FTO: variants seen among roughly 807,000 people sequenced by gnomAD.
FTO encodes alpha-ketoglutarate-dependent dioxygenase FTO.
Under a neutral mutation model 63.9 loss-of-function variants are expected in FTO, and 47 were observed. The observed-to-expected ratio is 0.74, with a 90% CI of 0.58 to 0.94. The LOEUF is 0.94. Among genes scored for constraint, FTO ranks in the 40% least tolerant of loss-of-function variants. The pLI, the probability that FTO is intolerant of heterozygous loss-of-function variation, is 0.00. For missense variants in FTO, 562 were observed against 618.1 expected, an observed-to-expected ratio of 0.91 and a Z score of 0.96; for synonymous variants, 207 against 224.4, an observed-to-expected ratio of 0.92 and a Z score of 0.69.
intron 7 of FTO, among the ~76,000 whole-genome samples, chr16:53,907,130 A>G (rs1395322070): frequency 6.6e-6 from 1 of 152,192 alleles, no homozygotes; most frequent in African/African-American, 2.4e-5. Context: ...AGACTAAAAT[A>G]TAGATGCTCC....
At chr16:54,110,518 A>G (rs770893003) in intron 8 of FTO, among the ~76,000 whole-genome samples, 3 of 152,200 alleles carry the variant, frequency 2.0e-5, no homozygotes, top group Non-Finnish European at 4.4e-5. Flanking sequence ...GCAATTAACC[A>G]CACTCGAAAA....
intron 3 of FTO, among the ~76,000 whole-genome samples, chr16:53,843,332 G>C (rs549252648): frequency 6.6e-6 from 1 of 152,198 alleles, no homozygotes; most frequent in South Asian, 2.1e-4. Flanking sequence ...GAGAGTGTGA[G>C]TGTGCCATTT....
intron 3 of FTO, among the ~76,000 whole-genome samples, chr16:53,834,398 A>G (rs2079232832): frequency 6.6e-6 from 1 of 152,184 alleles, no homozygotes; most frequent in South Asian, 2.1e-4. Context: ...TGTCCATGAC[A>G]TTGATGAGGC....
intron 8 of FTO, among the ~76,000 whole-genome samples, chr16:53,985,667 G>T (rs1456399474): frequency 6.6e-6 from 1 of 152,300 alleles, no homozygotes; most frequent in East Asian, 1.9e-4. Flanking sequence ...GACACCAAAT[G>T]TAGGGCCCGA....
rs72803683 is a variant in FTO at position 53,779,235 on chromosome 16, A to G, written c.46-30905A>G. Among the ~76,000 whole-genome samples, 5,070 of 152,128 alleles carry G rather than the reference A, an allele frequency of 0.033. 485 individuals carry two copies. In the East Asian group the frequency reaches 0.4, roughly 12 times the overall value. ...CTGATCATGTAATAGAAGAATCCCA[A>G]TCTTCCAGTTTCTTTTTTTAACTTC... On this transcript the variant is annotated intron_variant, in intron 1 of 8. Transcript: ENST00000471389.
At chr16:53,731,383 A>G (rs747639304) in intron 1 of FTO, among the ~76,000 whole-genome samples, 1 of 152,190 alleles carries the variant, frequency 6.6e-6, no homozygotes, top group Non-Finnish European at 1.5e-5. Context: ...ACTTTTGGAT[A>G]AAAGTTCCTT....
At chr16:53,942,983 G>C (rs777416269) in intron 8 of FTO, among the ~76,000 whole-genome samples, 1 of 152,204 alleles carries the variant, frequency 6.6e-6, no homozygotes, top group Admixed American at 6.5e-5. Flanking sequence ...AGATTCCAGG[G>C]AGAAGCAGGG....
chr16:53,756,044 C>T (rs2076916696), intron 1 of FTO, among the ~76,000 whole-genome samples: 2 of 152,204 alleles, frequency 1.3e-5, no homozygotes, highest in Non-Finnish European at 2.9e-5. Context: ...ATTGCCTTTT[C>T]CCTTCCTAAG....
intron 1 of FTO, among the ~76,000 whole-genome samples, chr16:53,748,676 G>C (rs1204718066): frequency 6.6e-6 from 1 of 151,816 alleles, no homozygotes; most frequent in Admixed American, 6.6e-5. Flanking sequence ...GGCTGGTCTT[G>C]AACTCCTGAC....
chr16:53,938,941 A>C (rs2082456329), intron 8 of FTO, among the ~76,000 whole-genome samples: 1 of 151,792 alleles, frequency 6.6e-6, no homozygotes, highest in Non-Finnish European at 1.5e-5. Flanking sequence ...TACAAAAAAA[A>C]AAAAAAATTA....
At chr16:53,937,910 C>T (rs1390262187) in intron 8 of FTO, 1 of 152,140 alleles carries the variant, frequency 6.6e-6, no homozygotes, top group East Asian at 1.9e-4. Flanking sequence ...TTATTTTCTA[C>T]AAAGCCCTGG....
rs536030171 is a variant in FTO at position 53,708,784 on chromosome 16, A to G, written c.45+4555A>G. Among the ~76,000 whole-genome samples, 9 of 152,306 alleles carry G rather than the reference A, an allele frequency of 5.9e-5. No individual in the cohort carries two copies. The East Asian group carries it at 1.5e-3, about 26-fold the overall frequency. On this transcript the variant is annotated intron_variant, in intron 1 of 8. Transcript: ENST00000471389. ...TCTCTGATGGGTAATAATGTTATGCATCTTCTCATGTGCTTATTGGACATG... is the reference window on the plus strand; with the variant it reads ...TCTCTGATGGGTAATAATGTTATGCGTCTTCTCATGTGCTTATTGGACATG...
At chr16:54,084,396 C>G in intron 8 of FTO, among the ~76,000 whole-genome samples, 1 of 152,136 alleles carries the variant, frequency 6.6e-6, no homozygotes, top group East Asian at 1.9e-4. Flanking sequence ...GGCCTACGTA[C>G]AGATTGCTAT....
chr16:53,810,921 C>T (rs765305805), intron 2 of FTO, among the ~76,000 whole-genome samples: 3 of 152,146 alleles, frequency 2.0e-5, no homozygotes, highest in Non-Finnish European at 4.4e-5. Context: ...TCTGACAGCC[C>T]AAGGGGTATG....
intron 1 of FTO, among the ~76,000 whole-genome samples, chr16:53,723,687 G>A (rs2076089713): frequency 6.6e-6 from 1 of 152,156 alleles, no homozygotes; most frequent in South Asian, 2.1e-4. Flanking sequence ...ATAAAAGAAA[G>A]ACAAAAACCC....
chr16:53,907,014 T>G (rs1275753575), intron 7 of FTO, among the ~76,000 whole-genome samples: 2 of 152,192 alleles, frequency 1.3e-5, no homozygotes, highest in Non-Finnish European at 2.9e-5. Flanking sequence ...CTCTATGGTC[T>G]CCTATACTCT....
In FTO at chr16:53,787,135, A is replaced by AGT. The variant is rs1487354117; in HGVS notation, c.46-23005_46-23004insGT. On this transcript the variant is annotated intron_variant, in intron 1 of 8. Coordinates refer to ENST00000471389, the MANE Select transcript of FTO (RefSeq NM_001080432.3). ...CAAAAAAAAAAAAAAAAAAAAAAAA[A>AGT]AAAAAAAGAAAAAGAAACACCATCC... Among the ~76,000 whole-genome samples the AGT allele has an allele frequency of 1.0e-3, 152 of 148,542 alleles. No homozygotes were observed. The South Asian group carries it at 0.014, about 13-fold the overall frequency.
At chr16:53,972,677 C>T (rs562368978) in intron 8 of FTO, among the ~76,000 whole-genome samples, 5 of 152,194 alleles carry the variant, frequency 3.3e-5, no homozygotes, top group Non-Finnish European at 5.9e-5. Flanking sequence ...ATAAAGCCTG[C>T]GTGGTTCCCA....
intron 7 of FTO, among the ~76,000 whole-genome samples, chr16:53,889,255 T>G (rs1416747220): frequency 6.6e-6 from 1 of 152,188 alleles, no homozygotes; most frequent in African/African-American, 2.4e-5. Context: ...ATGCATCAGG[T>G]GCTACTCTGT....
Sources: allele counts gnomAD v4.1 joint callset (sites outside exome capture counted in the v4.1 genomes callset), GRCh38; gene constraint gnomAD v4.1.1; transcripts MANE v1.5; gene names NCBI Gene and HGNC (gene_info 2026-07-23, HGNC 2026-07-21).